The following LSM4 variants were observed in gnomAD, a reference collection of about 807,000 sequenced individuals.
LSM4 encodes U6 snRNA-associated Sm-like protein LSm4.
A neutral mutation model predicts 22.3 loss-of-function variants in LSM4; 15 were observed. The ratio of observed to expected loss-of-function variants is 0.67; its 90% CI spans 0.45 to 1.03. The LOEUF (loss-of-function observed/expected upper bound fraction) is 1.03. Ranked by LOEUF, LSM4 falls within the 50% of genes least tolerant of loss-of-function variation. The pLI, the probability that LSM4 is intolerant of heterozygous loss-of-function variation, is 0.00. For missense variants in LSM4, 127 were observed against 198.0 expected (o/e 0.64, Z 2.15); for synonymous variants, 90 against 79.8 (o/e 1.13, Z -0.68).
chr19:18,322,514 G>C (rs558967551), intron 1 of LSM4, among the ~76,000 whole-genome samples: 1 of 152,252 alleles, frequency 6.6e-6, no homozygotes, highest in African/African-American at 2.4e-5. Flanking sequence ...CCCAGCACCA[G>C]GCCTGCTTTT....
intron 1 of LSM4, among the ~76,000 whole-genome samples, chr19:18,317,148 A>G (rs12973153): frequency 0.78 from 118,787 of 151,350 alleles, 46,643 homozygotes; most frequent in South Asian, 0.85. Context: ...AGCCTCCCAA[A>G]TAGCTGGGAT....
intron 3 of LSM4, 81 bp downstream of exon 3, chr19:18,312,523 C>T: frequency 8.1e-7 from 1 of 1,232,946 alleles, no homozygotes; most frequent in East Asian, 2.3e-5. Context: ...ACTGACTCCT[C>T]CCATGAGGCC....
intron 3 of LSM4, among the ~76,000 whole-genome samples, chr19:18,310,543 C>T (rs765193614): frequency 6.6e-6 from 1 of 152,200 alleles, no homozygotes; most frequent in Non-Finnish European, 1.5e-5. Context: ...TGCAAAGACA[C>T]AGACTCATGC....
Position 18,323,059 on chromosome 19 carries a change from G to T in LSM4, c.-39C>A, listed in dbSNP as rs1320100702. The T allele has an allele frequency of 2.0e-6, 3 of 1,513,786 alleles. No individual in the cohort carries two copies. The highest frequency in any genetic ancestry group is 2.9e-5 in the African/African-American group (2 of 68,914). 93.8% of individuals were successfully genotyped at this position (1,513,786 alleles called of 1,614,324 possible). ...ACCGGGCTCGCCGGCCACTTCCGCC[G>T]CCGCCGCTGCACACGCTCCCGGCGG... On this transcript the variant is annotated 5_prime_UTR_variant, in exon 1 of 5. Transcript: ENST00000593829.
In LSM4 at chr19:18,316,161, C is replaced by T. The variant is rs764869953; in HGVS notation, c.4-96G>A. 14 of 1,127,394 alleles carry T rather than the reference C, an allele frequency of 1.2e-5. No individual in the cohort carries two copies. In the East Asian group the frequency reaches 1.3e-4, roughly 10 times the overall value. 69.8% of individuals were successfully genotyped at this position (1,127,394 alleles called of 1,614,324 possible). ...CCCATGACTCATAGATGGTGCGGTG[C>T]GGTTGAGGGGGCACAGGAGTGCGTG... On this transcript the variant is annotated intron_variant, in intron 1 of 4. Coordinates refer to ENST00000593829, the MANE Select transcript of LSM4 (RefSeq NM_012321.5).
In LSM4 at chr19:18,307,442, A is replaced by G; in HGVS notation, c.*22T>C. On this transcript the variant is annotated 3_prime_UTR_variant, in exon 5 of 5. Transcript: ENST00000593829. ...TCGCCACCCTGGCAGGAGGGGGCGCAGCAGCCGGTCTGGGTGGGCGCTCAC... is the reference window on the plus strand; with the variant it reads ...TCGCCACCCTGGCAGGAGGGGGCGCGGCAGCCGGTCTGGGTGGGCGCTCAC... The G allele has an allele frequency of 6.7e-7, 1 of 1,498,418 alleles. No homozygotes were observed. The highest frequency in any genetic ancestry group is 1.3e-5 in the South Asian group (1 of 78,772). 92.8% of individuals were successfully genotyped at this position (1,498,418 alleles called of 1,614,324 possible).
chr19:18,308,168 G>A (rs529163621), intron 4 of LSM4, among the ~76,000 whole-genome samples: 29 of 152,306 alleles, frequency 1.9e-4, no homozygotes, highest in African/African-American at 6.7e-4. Flanking sequence ...GTGACAGGGG[G>A]TTCCCGGGAG....
At chr19:18,309,627 G>T (rs769067936) in intron 4 of LSM4, 51 bp downstream of exon 4, 1 of 1,521,440 alleles carries the variant, frequency 6.6e-7, no homozygotes, top group Non-Finnish European at 8.8e-7. Context: ...GGGATGCCAC[G>T]TGTGGCTGTC....
At chr19:18,320,399 T>A (rs567513831) in intron 1 of LSM4, among the ~76,000 whole-genome samples, 1 of 151,998 alleles carries the variant, frequency 6.6e-6, no homozygotes, top group Non-Finnish European at 1.5e-5. Context: ...CCCAGCTACT[T>A]GGGAGGCTGA....
Position 18,307,412 on chromosome 19 carries a change from C to G in LSM4, c.*52G>C. Reference sequence around the variant, plus strand: ...AGCAGATCCGTCCGAGACTGTGGAGCGGAATCGCCACCCTGGCAGGAGGGG... The same window carrying G: ...AGCAGATCCGTCCGAGACTGTGGAGGGGAATCGCCACCCTGGCAGGAGGGG... On this transcript the variant is annotated 3_prime_UTR_variant, in exon 5 of 5. Coordinates refer to ENST00000593829, the MANE Select transcript of LSM4 (RefSeq NM_012321.5). 1 of 1,416,926 alleles carries G rather than the reference C, an allele frequency of 7.1e-7. No individual in the cohort carries two copies. Among genetic ancestry groups the G allele is most frequent in the Non-Finnish European group, 9.4e-7 (1 of 1,068,736 alleles). The allele number at this position is 1,416,926 out of a possible 1,614,324, so 87.8% of individuals were successfully genotyped here.
At chr19:18,321,421 C>T (rs1052639593) in intron 1 of LSM4, among the ~76,000 whole-genome samples, 1 of 152,146 alleles carries the variant, frequency 6.6e-6, no homozygotes, top group Non-Finnish European at 1.5e-5. Flanking sequence ...CAGACCTAAC[C>T]GACTCCATTG....
At position 18,307,140 on chromosome 19, in the gene LSM4, G is replaced by A. The variant is rs562583172; in HGVS notation, c.*324C>T. The A allele has an allele frequency of 1.6e-4, 45 of 277,634 alleles. No individual in the cohort carries two copies. The highest frequency in any genetic ancestry group is 9.0e-4 in the Admixed American group (17 of 18,884). 17.2% of individuals were successfully genotyped at this position (277,634 alleles called of 1,614,324 possible). On this transcript the variant is annotated 3_prime_UTR_variant, in exon 5 of 5. Coordinates refer to ENST00000593829, the MANE Select transcript of LSM4 (RefSeq NM_012321.5). ...GCTGCTCGGAGAGGCTCCAAGAAAT[G>A]CAAAACAAACCCGCCTGGAAAATGC...
chr19:18,318,959 T>C (rs1482471923), intron 1 of LSM4, among the ~76,000 whole-genome samples: 2 of 152,204 alleles, frequency 1.3e-5, no homozygotes, highest in African/African-American at 4.8e-5. Context: ...AGAGAGCTGG[T>C]GGGATGGCCA....
chr19:18,307,955 G>T (rs938084800), intron 4 of LSM4, among the ~76,000 whole-genome samples: 3 of 152,018 alleles, frequency 2.0e-5, no homozygotes, highest in African/African-American at 7.3e-5. Flanking sequence ...GGCGGGGGGG[G>T]GGCCTCCTAT....
rs1393961492 is a variant in LSM4, at chr19:18,307,547, C to G, written c.337G>C (p.Gly113Arg). The G allele has an allele frequency of 5.8e-6, 9 of 1,539,294 alleles. No individual in the cohort carries two copies. The highest frequency in any genetic ancestry group is 2.0e-5 in the Admixed American group (1 of 48,988). Reference sequence around the variant, plus strand: ...GGGATCCCACCTCGGCCCCGGCCACCAAACACACCTAGAGGACAGAGAGAG... The same window carrying G: ...GGGATCCCACCTCGGCCCCGGCCACGAAACACACCTAGAGGACAGAGAGAG... ...GMGGAGRGVF[G>R]GRGRGGIPGT... The change falls in exon 5 of 5, where the codon GGT becomes CGT. Residue 113 changes from glycine (G) to arginine (R), a missense_variant. Transcript: ENST00000593829.
At position 18,309,784 on chromosome 19, in the gene LSM4, C is replaced by T. The variant is rs540209324; in HGVS notation, c.222G>A (p.Glu74=). ...CCTCCTCCTTGACCATGTCGATGAT[C>T]TCGTCGGGGATGCGCAGGTACTTGA... ...STIKYLRIPD[E]IIDMVKEEVV... is the part of the protein sequence containing the mutation. The change falls in exon 4 of 5, where the codon GAG becomes GAA. Residue 74 remains glutamate (E), a synonymous_variant. Coordinates refer to ENST00000593829, the MANE Select transcript of LSM4 (RefSeq NM_012321.5). 1.1e-5 allele frequency: 18 copies of T among 1,613,976 alleles called. No individual in the cohort carries two copies. Among genetic ancestry groups the T allele is most frequent in the Admixed American group, 1.0e-4 (6 of 59,994 alleles).
chr19:18,309,328 T>C, intron 4 of LSM4: 1 of 289,150 alleles, frequency 3.5e-6, no homozygotes, highest in Non-Finnish European at 6.4e-6. Context: ...TCATCTCCGG[T>C]GGGGGCGGGC....
chr19:18,311,070 T>C (rs777171019), intron 3 of LSM4, among the ~76,000 whole-genome samples: 2 of 152,122 alleles, frequency 1.3e-5, no homozygotes, highest in Non-Finnish European at 2.9e-5. Context: ...CTTTGGGTGC[T>C]CACTCTCCCA....
chr19:18,315,121 C>T (rs569516437), intron 2 of LSM4, among the ~76,000 whole-genome samples: 1 of 152,074 alleles, frequency 6.6e-6, no homozygotes, highest in African/African-American at 2.4e-5. Flanking sequence ...TCCTGATCTG[C>T]CCGCCTCGGC....
Sources: gnomAD v4.1 joint callset for allele counts (sites outside exome capture counted in the v4.1 genomes callset) on GRCh38, gnomAD v4.1.1 for gene constraint, MANE v1.5 for transcripts, NCBI Gene and HGNC (gene_info 2026-07-23, HGNC 2026-07-21) for gene names.